PRRC2B: variants seen among roughly 807,000 people sequenced by gnomAD.
PRRC2B encodes the protein proline rich coiled-coil 2B, also known as protein PRRC2B.
Under a neutral mutation model 242.3 loss-of-function variants are expected in PRRC2B, and 68 were observed. The observed-to-expected ratio is 0.28, with a 90% CI of 0.23 to 0.34. The LOEUF is 0.34. Among genes scored for constraint, PRRC2B ranks in the 10% least tolerant of loss-of-function variants. The pLI is 1.00. For synonymous variants in PRRC2B, 1,228 were observed against 1,173.6 expected (o/e 1.05, Z -0.95); for missense variants, 2,835 against 2,954.8 (o/e 0.96, Z 0.94).
intron 9 of PRRC2B, among the ~76,000 whole-genome samples, chr9:131,452,929 G>C (rs955044964): frequency 6.6e-6 from 1 of 152,152 alleles, no homozygotes; most frequent in Non-Finnish European, 1.5e-5. Flanking sequence ...TGTTTTGTAT[G>C]TTCCAACTTA....
chr9:131,428,907 G>A (rs951999713), intron 1 of PRRC2B, among the ~76,000 whole-genome samples: 1 of 152,236 alleles, frequency 6.6e-6, no homozygotes, highest in African/African-American at 2.4e-5. Flanking sequence ...GAAGCTCTTA[G>A]TCCTCAGTGC....
intron 1 of PRRC2B, among the ~76,000 whole-genome samples, chr9:131,397,812 C>T (rs1837111895): frequency 6.6e-6 from 1 of 152,032 alleles, no homozygotes; most frequent in African/African-American, 2.4e-5. Flanking sequence ...TAGAGCCTAT[C>T]TATACTAGAT....
At chr9:131,457,904 T>G (rs1943129036) in intron 10 of PRRC2B, among the ~76,000 whole-genome samples, 1 of 152,190 alleles carries the variant, frequency 6.6e-6, no homozygotes, top group Non-Finnish European at 1.5e-5. Context: ...CTGCCTCGTC[T>G]TCCCTCCCTC....
chr9:131,416,924 G>A (rs1837673328), intron 1 of PRRC2B, among the ~76,000 whole-genome samples: 1 of 152,080 alleles, frequency 6.6e-6, no homozygotes, highest in Non-Finnish European at 1.5e-5. Context: ...ATTTTATGAG[G>A]ATATTAATTT....
Position 131,403,488 on chromosome 9 carries a change from A to G in PRRC2B, c.-52+9225A>G, listed in dbSNP as rs536060899. On this transcript the variant is annotated intron_variant, in intron 1 of 31. Coordinates refer to ENST00000683519, the MANE Select transcript of PRRC2B (RefSeq NM_013318.4). ...TGCCTCAGCCTCTTGAGTAGCTGGG[A>G]GTACAGGTGCATCCCGCCACGCCTG... 4.0e-5 allele frequency among the ~76,000 whole-genome samples: 6 copies of G among 151,648 alleles called. No individual in the cohort carries two copies. The East Asian group carries it at 7.8e-4, about 20-fold the overall frequency.
At chr9:131,432,570 C>CTG in intron 2 of PRRC2B, 47 bp from the exon 3 acceptor site, 1 of 1,565,980 alleles carries the variant, frequency 6.4e-7, no homozygotes, top group Non-Finnish European at 8.7e-7. Context: ...TTCTTTCCTT[C>CTG]TGTGACCTTT....
rs931521403 is a variant in PRRC2B, at chr9:131,487,691, T to A, written c.5985-165T>A. Among the ~76,000 whole-genome samples the A allele has an allele frequency of 2.0e-5, 3 of 152,138 alleles. No homozygotes were observed. Among genetic ancestry groups the A allele is most frequent in the Non-Finnish European group, 4.4e-5 (3 of 68,006 alleles). ...TTAATCCAGCAGCATCAGCGCCATC[T>A]AGGAGCTTGTTCTCAGGCCCCATCC... On this transcript the variant is annotated intron_variant, in intron 27 of 31. Transcript: ENST00000683519. The surrounding 1 kb of genome is among the most constrained non-coding windows in gnomAD (Gnocchi z 5.3).
upstream of PRRC2B, among the ~76,000 whole-genome samples, chr9:131,389,915 G>GTTGT (rs1564271137): frequency 6.4e-5 from 6 of 93,446 alleles, no homozygotes; most frequent in Non-Finnish European, 1.3e-4. Context: ...GAACATGGTT[G>GTTGT]TTTTTTTTTT....
At chr9:131,410,450 C>T (rs1837477314) in intron 1 of PRRC2B, among the ~76,000 whole-genome samples, 1 of 152,188 alleles carries the variant, frequency 6.6e-6, no homozygotes, top group Non-Finnish European at 1.5e-5. Context: ...GCAGGTGGGG[C>T]CATTCTCTGG....
chr9:131,487,147 C>T lies in PRRC2B; in HGVS notation c.5857-20C>T. ...ATGGGCCTTGCGGTTACCTCCCCGA[C>T]CCCGTTTTCCCGTTCACAGGCCGCC... On this transcript the variant is annotated intron_variant, in intron 26 of 31. Transcript: ENST00000683519. The surrounding 1 kb of genome is among the most constrained non-coding windows in gnomAD (Gnocchi z 5.3). The T allele has an allele frequency of 6.2e-7, 1 of 1,612,190 alleles. No homozygotes were observed. The highest frequency in any genetic ancestry group is 8.5e-7 in the Non-Finnish European group (1 of 1,179,248).
rs753979647 is a variant in PRRC2B at position 131,436,701 on chromosome 9, G to A, written c.375G>A (p.Pro125=). Residue 125 remains proline (P), a synonymous_variant, in exon 4 of 32, where the codon CCG becomes CCA. Transcript: ENST00000683519. The part of the protein sequence containing the change: ...LQKSVSNLQK[P]TQSISQENTN... ...AATCTGTCTCCAATTTGCAGAAACCGACACAGTCAATCAGTCAGGAGGTAG... is the reference window on the plus strand; with the variant it reads ...AATCTGTCTCCAATTTGCAGAAACCAACACAGTCAATCAGTCAGGAGGTAG... 8.7e-6 allele frequency: 14 copies of A among 1,613,822 alleles called. No homozygotes were observed. In the East Asian group the frequency reaches 2.2e-4, roughly 26 times the overall value.
rs566062192 is a variant in PRRC2B, at chr9:131,482,697, C to CTTTT, written c.5176-10_5176-7dup. 141 of 1,553,062 alleles carry CTTTT rather than the reference C, an allele frequency of 9.1e-5. No homozygotes were observed. In the African/African-American group the frequency reaches 1.1e-3, roughly 12 times the overall value. Reference sequence around the variant, plus strand: ...CAGTCTGTGTGTCTCCACCTCTCTGCTTTTTTATCAAGGATTCAGAACAAG... The same window carrying CTTTT: ...CAGTCTGTGTGTCTCCACCTCTCTGCTTTTTTTTTTATCAAGGATTCAGAACAAG... On this transcript the variant is annotated splice_polypyrimidine_tract_variant and intron_variant, in intron 21 of 31. Transcript: ENST00000683519. The surrounding 1 kb of genome is among the most constrained non-coding windows in gnomAD (Gnocchi z 5.2).
chr9:131,439,078 G>A lies in PRRC2B; in HGVS notation c.469+17G>A, dbSNP rs773641489. The A allele has an allele frequency of 2.5e-6, 4 of 1,611,674 alleles. No homozygotes were observed. The highest frequency in any genetic ancestry group is 2.5e-6 in the Non-Finnish European group (3 of 1,178,216). ...ACGAAGGTGGTAAGTGCGCACGTGT[G>A]TGTGTTGTTTGGGGACGCTGGGGAG... On this transcript the variant is annotated intron_variant, in intron 5 of 31. Transcript: ENST00000683519.
intron 14 of PRRC2B, 83 bp from the exon 15 acceptor site, chr9:131,473,425 C>A: frequency 2.1e-6 from 2 of 938,064 alleles, no homozygotes; most frequent in South Asian, 1.6e-5. Context: ...TAACTGTTAA[C>A]TTCTTTGGGC....
intron 1 of PRRC2B, among the ~76,000 whole-genome samples, chr9:131,427,145 G>A (rs1242284219): frequency 6.6e-6 from 1 of 152,242 alleles, no homozygotes; most frequent in African/African-American, 2.4e-5. Flanking sequence ...ATGCGGATCT[G>A]TCCCTCAGTG....
At position 131,481,311 on chromosome 9, in the gene PRRC2B, C is replaced by CAAAAAA. The variant is rs11404767; in HGVS notation, c.4901-399_4901-394dup. On this transcript the variant is annotated intron_variant, in intron 19 of 31. Transcript: ENST00000683519. ...GGGCGACAGAGCAAGACTCCGTCTCCAAAAAAAAAAAAAAAAAAAAAGAAA... is the reference window on the plus strand; with the variant it reads ...GGGCGACAGAGCAAGACTCCGTCTCCAAAAAAAAAAAAAAAAAAAAAAAAAAAGAAA... Among the ~76,000 whole-genome samples, 158 of 78,836 alleles carry CAAAAAA rather than the reference C, an allele frequency of 2.0e-3. 1 individual carries two copies. Among genetic ancestry groups the CAAAAAA allele is most frequent in the Middle Eastern group, 7.4e-3 (1 of 136 alleles). The allele number at this position is 78,836 out of a possible 152,430, so 51.7% of individuals were successfully genotyped here. A position where few individuals can be genotyped will look rare whatever the true frequency, so the allele number is the denominator to read the frequency against.
chr9:131,437,860 C>G (rs1353929555), intron 4 of PRRC2B, among the ~76,000 whole-genome samples: 1 of 152,188 alleles, frequency 6.6e-6, no homozygotes, highest in Non-Finnish European at 1.5e-5. Context: ...GGTGATAGAG[C>G]TGAGAGATCA....
At chr9:131,447,960 A>AT in intron 9 of PRRC2B, 156 bp downstream of exon 9, 1 of 638,288 alleles carries the variant, frequency 1.6e-6, no homozygotes, top group Non-Finnish European at 2.4e-6. Flanking sequence ...CTCCTTCCTC[A>AT]TTTACTCCCT....
At position 131,470,928 on chromosome 9, in the gene PRRC2B, T is replaced by C. The variant is rs4310250; in HGVS notation, c.2052T>C (p.Arg684=). Residue 684 remains arginine (R), a synonymous_variant, in exon 14 of 32, where the codon CGT becomes CGC. Transcript: ENST00000683519. ...TGATGCCTTCCTACATGGACCCACG[T>C]ATCACGCCCACTCGGACCCCGGTGG... is the stretch of plus-strand genomic sequence containing the variant. ...WMMMPSYMDP[R]ITPTRTPVDF... 0.93 allele frequency: 1,493,796 copies of C among 1,611,550 alleles called. 694,581 individuals carry two copies. Among genetic ancestry groups the C allele is most frequent in the South Asian group, 0.97 (87,798 of 90,982 alleles).
Sources: gnomAD v4.1 joint callset for allele counts (sites outside exome capture counted in the v4.1 genomes callset) on GRCh38, gnomAD v4.1.1 for gene constraint, Gnocchi (gnomAD v3.1) non-coding constraint, MANE v1.5 for transcripts, NCBI Gene and HGNC (gene_info 2026-07-23, HGNC 2026-07-21) for gene names.